LIMK2: variants seen among roughly 807,000 people sequenced by gnomAD.
LIMK2 encodes the protein LIM domain kinase 2.
In LIMK2, 35 loss-of-function variants were observed where a neutral mutation model predicts 75.7. That is an observed-to-expected ratio of 0.46 (90% CI 0.35 to 0.61). The LOEUF (loss-of-function observed/expected upper bound fraction) is 0.61, where lower values mean the gene tolerates loss of function less well. Ranked by LOEUF, LIMK2 falls within the 20% of genes least tolerant of loss-of-function variation. LIMK2 has a pLI of 0.00. For synonymous variants in LIMK2, 301 were observed against 319.2 expected, an observed-to-expected ratio of 0.94 and a Z score of 0.61; for missense variants, 623 against 831.0, an observed-to-expected ratio of 0.75 and a Z score of 3.08.
At chr22:31,222,724 AAAATTAGATTTTAAAACT>A (rs1235408729) in intron 1 of LIMK2, 6 of 151,994 alleles carry the variant, frequency 3.9e-5, no homozygotes, top group Admixed American at 2.0e-4. Flanking sequence ...GGTTTTTTTT[AAAATTAGATTTTAAAACT>A]AAATTAGATT....
intron 5 of LIMK2, among the ~76,000 whole-genome samples, chr22:31,260,396 T>G (rs1284414519): frequency 6.6e-6 from 1 of 152,228 alleles, no homozygotes; most frequent in Admixed American, 6.5e-5. Context: ...TCCACTAGAA[T>G]GTAAATTCCA....
intron 1 of LIMK2, among the ~76,000 whole-genome samples, chr22:31,217,403 A>C (rs909176408): frequency 3.9e-5 from 6 of 152,164 alleles, no homozygotes; most frequent in South Asian, 2.1e-4. Flanking sequence ...TCTCAGAAAA[A>C]AAAAAAAAGA....
chr22:31,239,160 C>T (rs763116102), intron 2 of LIMK2, among the ~76,000 whole-genome samples: 26 of 152,236 alleles, frequency 1.7e-4, no homozygotes, highest in Non-Finnish European at 3.1e-4. Flanking sequence ...GGCATATACA[C>T]GGCCAACTGT....
intron 2 of LIMK2, among the ~76,000 whole-genome samples, chr22:31,255,919 T>G (rs1359072784): frequency 6.7e-6 from 1 of 148,494 alleles, no homozygotes; most frequent in African/African-American, 2.5e-5. Flanking sequence ...TGAGCTGCCA[T>G]TACATTGTCA....
At chr22:31,241,995 C>G (rs2048627381) in intron 2 of LIMK2, among the ~76,000 whole-genome samples, 1 of 152,194 alleles carries the variant, frequency 6.6e-6, no homozygotes. Flanking sequence ...GCCCTTTCCT[C>G]AATGTGAGCT....
chr22:31,241,068 G>C (rs2123800921), intron 2 of LIMK2, among the ~76,000 whole-genome samples: 1 of 152,270 alleles, frequency 6.6e-6, no homozygotes. Context: ...TGTTAGTGTG[G>C]ATCAGAAACA....
At chr22:31,249,331 G>A (rs531138206) in intron 2 of LIMK2, among the ~76,000 whole-genome samples, 2 of 152,268 alleles carry the variant, frequency 1.3e-5, no homozygotes, top group South Asian at 4.1e-4. Context: ...GTAGTTGCTG[G>A]GGAAAGACCT....
At chr22:31,246,309 A>T (rs892729299) in intron 2 of LIMK2, among the ~76,000 whole-genome samples, 4 of 151,546 alleles carry the variant, frequency 2.6e-5, no homozygotes, top group Non-Finnish European at 5.9e-5. Flanking sequence ...GACTACAATG[A>T]ACCATGTTTA....
rs755603688 is a variant in LIMK2, at chr22:31,271,142, T to G, written c.1324T>G (p.Leu442Val). 6.2e-7 allele frequency: 1 copy of G among 1,613,934 alleles called. No individual in the cohort carries two copies. The highest frequency in any genetic ancestry group is 8.5e-7 in the Non-Finnish European group (1 of 1,179,800). ...AKGIASGMAY[L>V]HSMCIIHRDL... Reference sequence around the variant, plus strand: ...GCTCATGCTTCTGTTCCAGGCCTATTTGCACTCTATGTGCATCATCCACCG... The same window carrying G: ...GCTCATGCTTCTGTTCCAGGCCTATGTGCACTCTATGTGCATCATCCACCG... Residue 442 changes from leucine (L) to valine (V), a missense_variant, in exon 12 of 16, where the codon TTG (leucine) becomes GTG (valine). Physicochemically the swap from Leu to Val is conservative, Grantham distance 32. This residue lies in a region of LIMK2 where 514 missense variants were observed against 661.3 expected (regional missense o/e 0.78). Transcript: ENST00000331728.
intron 1 of LIMK2, among the ~76,000 whole-genome samples, chr22:31,225,133 C>A (rs2048467961): frequency 6.6e-6 from 1 of 152,170 alleles, no homozygotes; most frequent in African/African-American, 2.4e-5. Flanking sequence ...GCCCCCCAAC[C>A]CCCAGCCTAG....
In LIMK2 at chr22:31,212,299, T is replaced by G. The variant is rs2048353100; in HGVS notation, c.-110T>G. The G allele has an allele frequency of 1.7e-6, 2 of 1,191,676 alleles. No homozygotes were observed. Among genetic ancestry groups the G allele is most frequent in the Non-Finnish European group, 2.2e-6 (2 of 928,774 alleles). 73.8% of individuals were successfully genotyped at this position (1,191,676 alleles called of 1,614,324 possible). On this transcript the variant is annotated 5_prime_UTR_variant, in exon 1 of 16. Coordinates refer to ENST00000331728, the MANE Select transcript of LIMK2 (RefSeq NM_005569.4). ...ATCCCGTTCGCGCCTGGGGCTGTGG[T>G]CTTCCCGCGCCTGAGGCGGCGGCGG...
At chr22:31,274,169 TC>T (rs1466210972) in intron 14 of LIMK2, among the ~76,000 whole-genome samples, 1 of 151,884 alleles carries the variant, frequency 6.6e-6, no homozygotes, top group African/African-American at 2.4e-5. Context: ...CCTTCTCAGT[TC>T]CCTTCAAGTA....
chr22:31,264,083 G>A (rs2048867630), intron 7 of LIMK2, among the ~76,000 whole-genome samples: 1 of 152,136 alleles, frequency 6.6e-6, no homozygotes, highest in African/African-American at 2.4e-5. Context: ...TGGAAACAGT[G>A]CCCTCTCATT....
chr22:31,247,255 C>G (rs2048679596), intron 2 of LIMK2, among the ~76,000 whole-genome samples: 1 of 152,168 alleles, frequency 6.6e-6, no homozygotes, highest in Admixed American at 6.5e-5. Flanking sequence ...TTTTCCTTTA[C>G]AATCCTGCAG....
Position 31,278,621 on chromosome 22 carries a change from T to G in LIMK2, c.*180T>G. The G allele has an allele frequency of 2.0e-6, 1 of 507,574 alleles. No homozygotes were observed. The highest frequency in any genetic ancestry group is 3.3e-6 in the Non-Finnish European group (1 of 298,654). The allele number at this position is 507,574 out of a possible 1,614,324, so 31.4% of individuals were successfully genotyped here. On this transcript the variant is annotated 3_prime_UTR_variant, in exon 16 of 16. Transcript: ENST00000331728. Reference sequence around the variant, plus strand: ...GTGGGCGCAGCACCAGGGAAATGTATCTCCACAGGTTCTGGGGCCTAGTTA... The same window carrying G: ...GTGGGCGCAGCACCAGGGAAATGTAGCTCCACAGGTTCTGGGGCCTAGTTA...
chr22:31,258,930 T>A (rs1460053485), intron 3 of LIMK2, 191 bp from the exon 4 acceptor site: 1 of 543,360 alleles, frequency 1.8e-6, no homozygotes, highest in Non-Finnish European at 3.3e-6. Flanking sequence ...AACAGTTTTG[T>A]GCAGTCTCAG....
At chr22:31,240,638 G>A (rs141413193) in intron 2 of LIMK2, among the ~76,000 whole-genome samples, 4 of 152,100 alleles carry the variant, frequency 2.6e-5, no homozygotes, top group African/African-American at 9.6e-5. Flanking sequence ...TGGCCAGGAT[G>A]GTCTCGATCT....
chr22:31,248,771 T>G, intron 2 of LIMK2: 4 of 1,614,046 alleles, frequency 2.5e-6, no homozygotes, highest in Non-Finnish European at 2.5e-6. Context: ...CCTGTTTCGG[T>G]GAGTTGGTCT....
intron 2 of LIMK2, among the ~76,000 whole-genome samples, chr22:31,229,002 A>G (rs1353891308): frequency 6.6e-6 from 1 of 152,104 alleles, no homozygotes; most frequent in Non-Finnish European, 1.5e-5. Flanking sequence ...GTCACTTTAT[A>G]TTATGTTGTG....
Sources: gnomAD v4.1 joint callset for allele counts (sites outside exome capture counted in the v4.1 genomes callset) on GRCh38, gnomAD v4.1.1 for gene constraint, gnomAD v4.1.1 regional missense constraint, MANE v1.5 for transcripts, NCBI Gene and HGNC (gene_info 2026-07-23, HGNC 2026-07-21) for gene names.